SRGAP3: variants seen among roughly 807,000 people sequenced by gnomAD.
SRGAP3 encodes SLIT-ROBO Rho GTPase activating protein 3, also known as SLIT-ROBO Rho GTPase-activating protein 3.
Under a neutral mutation model 121.1 loss-of-function variants are expected in SRGAP3, and 39 were observed. The observed-to-expected ratio is 0.32, with a 90% CI of 0.25 to 0.42. The LOEUF (loss-of-function observed/expected upper bound fraction) is 0.42, where lower values mean the gene tolerates loss of function less well. SRGAP3 is among the 10% of genes least tolerant of loss of function. The pLI is 1.00. For missense variants in SRGAP3, 1,213 were observed against 1,470.6 expected, an observed-to-expected ratio of 0.82 and a Z score of 2.86; for synonymous variants, 601 against 570.0, an observed-to-expected ratio of 1.05 and a Z score of -0.77.
intron 3 of SRGAP3, among the ~76,000 whole-genome samples, chr3:9,306,957 C>A (rs1020030596): frequency 1.9e-4 from 29 of 152,260 alleles, no homozygotes; most frequent in African/African-American, 6.0e-4. Flanking sequence ...ATACACGGCT[C>A]TTTACACACT....
chr3:9,003,435 T>A (rs182912), intron 18 of SRGAP3, among the ~76,000 whole-genome samples: 1 of 151,898 alleles, frequency 6.6e-6, no homozygotes, highest in African/African-American at 2.4e-5. Context: ...GCCAAGATTG[T>A]GCCACTGCAC....
chr3:9,082,639 G>A (rs141246251), intron 3 of SRGAP3, among the ~76,000 whole-genome samples: 125 of 152,330 alleles, frequency 8.2e-4, no homozygotes, highest in African/African-American at 2.9e-3. Context: ...TGGGAGCCGT[G>A]ATCTTGGCTC....
At chr3:9,193,866 A>G (rs905261251) in intron 1 of SRGAP3, 4 of 152,324 alleles carry the variant, frequency 2.6e-5, no homozygotes, top group African/African-American at 4.8e-5. Context: ...GATGGCTCCA[A>G]CAACCCCAAA....
rs1316280678 is a variant in SRGAP3 at position 9,284,503 on chromosome 3, T to C, written n.442+41507A>G. ...ACCATTCGTGCGAAAGTCAACACAG[T>C]GAAATGGCAAGTAATGGTCTTAGTA... is the stretch of plus-strand genomic sequence containing the variant. On this transcript the variant is annotated intron_variant and non_coding_transcript_variant, in intron 3 of 3. Coordinates refer to the SRGAP3 transcript ENST00000490889. Among the ~76,000 whole-genome samples, 2 of 152,108 alleles carry C rather than the reference T, an allele frequency of 1.3e-5. 1 individual carries two copies. Among genetic ancestry groups the C allele is most frequent in the East Asian group, 3.8e-4 (2 of 5,202 alleles).
chr3:9,330,793 G>A (rs577475824), intron 1 of SRGAP3, among the ~76,000 whole-genome samples: 40 of 152,176 alleles, frequency 2.6e-4, no homozygotes, highest in Non-Finnish European at 5.1e-4. Flanking sequence ...GAAACAGTGA[G>A]ATTGATTACA....
intron 2 of SRGAP3, among the ~76,000 whole-genome samples, chr3:9,327,038 T>C (rs947174700): frequency 2.6e-5 from 4 of 151,842 alleles, no homozygotes; most frequent in Non-Finnish European, 4.4e-5. Context: ...TATTGTTTAA[T>C]ATTACATAAA....
intron 2 of SRGAP3, among the ~76,000 whole-genome samples, chr3:9,118,855 A>T (rs187091125): frequency 2.1e-4 from 32 of 152,360 alleles, no homozygotes; most frequent in Non-Finnish European, 3.5e-4. Context: ...AGGACCCGTG[A>T]CAGGCACATG....
chr3:9,271,388 C>T (rs1443641299), intron 3 of SRGAP3, among the ~76,000 whole-genome samples: 2 of 152,192 alleles, frequency 1.3e-5, no homozygotes, highest in African/African-American at 2.4e-5. Context: ...TAAAACACTC[C>T]TCAAGCACTG....
At chr3:9,131,236 G>C (rs1281302499) in intron 1 of SRGAP3, among the ~76,000 whole-genome samples, 1 of 152,122 alleles carries the variant, frequency 6.6e-6, no homozygotes, top group Admixed American at 6.6e-5. Context: ...TTCCCCCCCG[G>C]GGGACAGTTC....
chr3:9,099,964 C>G (rs1243557314), intron 3 of SRGAP3, among the ~76,000 whole-genome samples: 3 of 152,206 alleles, frequency 2.0e-5, no homozygotes, highest in Non-Finnish European at 4.4e-5. Flanking sequence ...GACAGCGTGC[C>G]TAGGCTGACG....
chr3:9,002,172 C>A (rs1401977645), intron 18 of SRGAP3, among the ~76,000 whole-genome samples: 1 of 152,126 alleles, frequency 6.6e-6, no homozygotes, highest in African/African-American at 2.4e-5. Context: ...ATAAAACAAA[C>A]CTCAATAATT....
At chr3:9,138,124 G>A (rs1949728449) in intron 1 of SRGAP3, among the ~76,000 whole-genome samples, 1 of 152,164 alleles carries the variant, frequency 6.6e-6, no homozygotes, top group African/African-American at 2.4e-5. Context: ...CAGAGAACTG[G>A]GGGCCTGCTG....
rs149512286 is a variant in SRGAP3 at position 9,199,539 on chromosome 3, C to A, written c.67+49346G>T. 7.6e-3 allele frequency among the ~76,000 whole-genome samples: 1,152 copies of A among 152,316 alleles called. 10 individuals are homozygous for A. Among genetic ancestry groups the A allele is most frequent in the Non-Finnish European group, 0.012 (800 of 68,020 alleles). The stretch of plus-strand genomic sequence containing the variant: ...CATGTGGCTCTATCACCTCCAGAGG[C>A]CTCATTTCTAATGGCTGTATAATAT... On this transcript the variant is annotated intron_variant, in intron 1 of 21. Coordinates refer to ENST00000383836, the MANE Select transcript of SRGAP3 (RefSeq NM_014850.4).
At chr3:9,146,215 C>G (rs1295033212) in intron 1 of SRGAP3, among the ~76,000 whole-genome samples, 1 of 152,194 alleles carries the variant, frequency 6.6e-6, no homozygotes. Flanking sequence ...CTGACAAATC[C>G]TGGTTTGCTA....
At chr3:9,302,204 A>G (rs1955070822) in intron 3 of SRGAP3, among the ~76,000 whole-genome samples, 3 of 152,136 alleles carry the variant, frequency 2.0e-5, no homozygotes, top group African/African-American at 4.8e-5. Flanking sequence ...GGGGAGGCCA[A>G]GGGTTTCCGC....
In SRGAP3 at chr3:9,196,141, C is replaced by T. The variant is rs144210346; in HGVS notation, c.67+52744G>A. 2.1e-3 allele frequency among the ~76,000 whole-genome samples: 324 copies of T among 152,266 alleles called. 1 individual carries two copies. Among genetic ancestry groups the T allele is most frequent in the African/African-American group, 7.5e-3 (311 of 41,542 alleles). On this transcript the variant is annotated intron_variant, in intron 1 of 21. Coordinates refer to ENST00000383836, the MANE Select transcript of SRGAP3 (RefSeq NM_014850.4). Reference sequence around the variant, plus strand: ...AAATGAAAGCCAGGAACCCTCCAGACGGAGAGAGCAGTTTAATCCAGGTGA... The same window carrying T: ...AAATGAAAGCCAGGAACCCTCCAGATGGAGAGAGCAGTTTAATCCAGGTGA...
intron 1 of SRGAP3, among the ~76,000 whole-genome samples, chr3:9,357,015 C>A (rs1476620520): frequency 6.6e-6 from 1 of 151,994 alleles, no homozygotes; most frequent in East Asian, 1.9e-4. Context: ...GTAATTCCAG[C>A]ACTTTGCAAG....
At chr3:9,015,219 T>TCTTGCACCATGCACAGGCTGGGA (rs58862732) in intron 15 of SRGAP3, among the ~76,000 whole-genome samples, 3,229 of 152,120 alleles carry the variant, frequency 0.021, 118 homozygotes, top group African/African-American at 0.071. Context: ...CCTTCCAACC[T>TCTTGCACCATGCACAGGCTGGGA]CTTGCACCAT....
At chr3:9,284,658 C>T (rs1462042135) in intron 3 of SRGAP3, among the ~76,000 whole-genome samples, 1 of 151,912 alleles carries the variant, frequency 6.6e-6, no homozygotes, top group Non-Finnish European at 1.5e-5. Flanking sequence ...GATAAAATCC[C>T]ATCACTACAA....
Sources: allele counts gnomAD v4.1 joint callset (sites outside exome capture counted in the v4.1 genomes callset), GRCh38; gene constraint gnomAD v4.1.1; transcripts MANE v1.5; gene names NCBI Gene and HGNC (gene_info 2026-07-23, HGNC 2026-07-21).